ASTN2: variants seen among roughly 807,000 people sequenced by gnomAD.
ASTN2 encodes astrotactin-2.
A neutral mutation model predicts 139.8 loss-of-function variants in ASTN2; 54 were observed. The observed-to-expected ratio is 0.39, with a 90% CI of 0.31 to 0.48. ASTN2 has a LOEUF of 0.48. ASTN2 is among the 20% of genes least tolerant of loss of function. The pLI, the probability that ASTN2 is intolerant of heterozygous loss-of-function variation, is 0.95. For missense variants in ASTN2, 1,565 were observed against 1,725.1 expected (o/e 0.91, Z 1.64); for synonymous variants, 756 against 719.5 (o/e 1.05, Z -0.81).
At chr9:116,806,436 G>T (rs1831030730) in intron 12 of ASTN2, among the ~76,000 whole-genome samples, 1 of 152,196 alleles carries the variant, frequency 6.6e-6, no homozygotes, top group Non-Finnish European at 1.5e-5. Context: ...GAAAAGATTT[G>T]CAGTGACAAA....
chr9:116,597,345 G>C (rs1248009187), intron 19 of ASTN2, among the ~76,000 whole-genome samples: 2 of 102,852 alleles, frequency 1.9e-5, no homozygotes, highest in Admixed American at 1.6e-4. Context: ...TTTCACTCTT[G>C]TCGCCAGGCT....
intron 1 of ASTN2, among the ~76,000 whole-genome samples, chr9:117,308,941 T>C (rs1827866050): frequency 1.3e-5 from 2 of 152,120 alleles, no homozygotes; most frequent in African/African-American, 4.8e-5. Flanking sequence ...TCCAAATCAG[T>C]GAAGAAAGAG....
chr9:116,481,956 T>C (rs993331157), intron 20 of ASTN2, among the ~76,000 whole-genome samples: 16 of 152,178 alleles, frequency 1.1e-4, no homozygotes, highest in Non-Finnish European at 2.2e-4. Flanking sequence ...CTACTCCTTC[T>C]CATTATGTGA....
chr9:117,296,842 G>A (rs1834749169), intron 1 of ASTN2, among the ~76,000 whole-genome samples: 1 of 152,124 alleles, frequency 6.6e-6, no homozygotes, highest in Non-Finnish European at 1.5e-5. Context: ...CCCATGGGCT[G>A]CAACTCGTGA....
intron 2 of ASTN2, among the ~76,000 whole-genome samples, chr9:117,266,038 A>C (rs1833932185): frequency 6.6e-6 from 1 of 152,208 alleles, no homozygotes; most frequent in Admixed American, 6.5e-5. Flanking sequence ...TGCTAGGCTT[A>C]ACTCCCTGTG....
At chr9:117,076,720 C>T (rs544190766) in intron 5 of ASTN2, among the ~76,000 whole-genome samples, 3 of 152,206 alleles carry the variant, frequency 2.0e-5, no homozygotes, top group Non-Finnish European at 2.9e-5. Context: ...TCCTTTAATA[C>T]AGGATGTAGT....
chr9:117,071,596 G>A (rs1218784772), intron 5 of ASTN2, among the ~76,000 whole-genome samples: 4 of 150,182 alleles, frequency 2.7e-5, no homozygotes, highest in African/African-American at 9.8e-5. Flanking sequence ...AATGGCGGGC[G>A]CCCCTCCCCC....
chr9:117,140,225 A>G (rs146401828), intron 4 of ASTN2, among the ~76,000 whole-genome samples: 58 of 152,284 alleles, frequency 3.8e-4, no homozygotes, highest in African/African-American at 1.3e-3. Flanking sequence ...AACAGCACTG[A>G]GGACAGAGCA....
At chr9:117,027,059 G>T (rs767192401) in intron 6 of ASTN2, among the ~76,000 whole-genome samples, 5 of 152,142 alleles carry the variant, frequency 3.3e-5, no homozygotes, top group Non-Finnish European at 5.9e-5. Flanking sequence ...AATGCAAAAA[G>T]TAGTAGTTCA....
At chr9:117,179,453 A>C (rs551637488) in intron 3 of ASTN2, among the ~76,000 whole-genome samples, 1 of 152,190 alleles carries the variant, frequency 6.6e-6, no homozygotes, top group East Asian at 1.9e-4. Context: ...CCAGTCTCCA[A>C]GAGGTAAAAT....
chr9:116,427,667 G>T (rs1564269314), intron 22 of ASTN2, among the ~76,000 whole-genome samples: 1 of 152,232 alleles, frequency 6.6e-6, no homozygotes, highest in Non-Finnish European at 1.5e-5. Flanking sequence ...AGCTGAAAAA[G>T]GACCGAGCTT....
chr9:116,636,752 G>A (rs1271202669), intron 17 of ASTN2, among the ~76,000 whole-genome samples: 1 of 152,152 alleles, frequency 6.6e-6, no homozygotes, highest in Non-Finnish European at 1.5e-5. Context: ...TAATCAGTAT[G>A]GCCTGGATAA....
intron 19 of ASTN2, chr9:116,611,215 G>C (rs1413190056): frequency 6.6e-6 from 1 of 152,050 alleles, no homozygotes; most frequent in African/African-American, 2.4e-5. Flanking sequence ...AAGTGAAATT[G>C]GAAATACTTT....
At chr9:117,213,889 CTCTTT>C (rs1832222980) in intron 3 of ASTN2, among the ~76,000 whole-genome samples, 1 of 152,180 alleles carries the variant, frequency 6.6e-6, no homozygotes, top group African/African-American at 2.4e-5. Context: ...AATGTACAGT[CTCTTT>C]TATTTGTGTT....
intron 19 of ASTN2, among the ~76,000 whole-genome samples, chr9:116,535,616 A>G (rs554730870): frequency 8.5e-5 from 13 of 152,094 alleles, no homozygotes; most frequent in Non-Finnish European, 1.6e-4. Flanking sequence ...TCATTTATGA[A>G]GCTTAGTTTC....
At chr9:117,377,632 G>A (rs139629331) in intron 1 of ASTN2, among the ~76,000 whole-genome samples, 219 of 151,284 alleles carry the variant, frequency 1.4e-3, no homozygotes, top group African/African-American at 4.9e-3. Context: ...AAATGCACAT[G>A]GCAAGAAGCT....
intron 5 of ASTN2, among the ~76,000 whole-genome samples, chr9:117,071,992 C>T (rs1828148003): frequency 6.6e-6 from 1 of 152,166 alleles, no homozygotes; most frequent in South Asian, 2.1e-4. Flanking sequence ...ACGCTGGGAG[C>T]TGAGACCGGA....
In ASTN2 at chr9:116,938,185, T is replaced by A. The variant is rs907184596; in HGVS notation, c.1889+37023A>T. Among the ~76,000 whole-genome samples, 4 of 152,192 alleles carry A rather than the reference T, an allele frequency of 2.6e-5. No individual in the cohort carries two copies. The South Asian group carries it at 8.3e-4, about 32-fold the overall frequency. Reference sequence around the variant, plus strand: ...TCTCCTGTACTGTAATACACTAGAATACCACTTTGCACATTTGCAATCATT... The same window carrying A: ...TCTCCTGTACTGTAATACACTAGAAAACCACTTTGCACATTTGCAATCATT... On this transcript the variant is annotated intron_variant, in intron 10 of 22. Coordinates refer to ENST00000313400, the MANE Select transcript of ASTN2 (RefSeq NM_001365068.1).
At chr9:116,809,089 T>C (rs1831101249) in intron 12 of ASTN2, among the ~76,000 whole-genome samples, 1 of 152,178 alleles carries the variant, frequency 6.6e-6, no homozygotes, top group South Asian at 2.1e-4. Flanking sequence ...TCTGTGCTTG[T>C]ATTTTAATCT....
Sources: allele counts gnomAD v4.1 joint callset (sites outside exome capture counted in the v4.1 genomes callset), GRCh38; gene constraint gnomAD v4.1.1; transcripts MANE v1.5; gene names NCBI Gene and HGNC (gene_info 2026-07-23, HGNC 2026-07-21).